The following RAVER1 variants were observed in gnomAD, a reference collection of about 807,000 sequenced individuals.
The protein encoded by RAVER1 is ribonucleoprotein, PTB binding 1, also known as ribonucleoprotein PTB-binding 1.
A neutral mutation model predicts 68.4 loss-of-function variants in RAVER1; 36 were observed. That is an observed-to-expected ratio of 0.53 (90% CI 0.40 to 0.70). The LOEUF (loss-of-function observed/expected upper bound fraction) is 0.70. Among genes scored for constraint, RAVER1 ranks in the 30% least tolerant of loss-of-function variants. The pLI, the probability that RAVER1 is intolerant of heterozygous loss-of-function variation, is 0.00. For synonymous variants in RAVER1, 469 were observed against 472.7 expected, an observed-to-expected ratio of 0.99 and a Z score of 0.10; for missense variants, 933 against 1,019.8, an observed-to-expected ratio of 0.91 and a Z score of 1.16.
intron 3 of RAVER1, among the ~76,000 whole-genome samples, chr19:10,324,852 G>A (rs538483364): frequency 6.6e-6 from 1 of 152,292 alleles, no homozygotes; most frequent in Admixed American, 6.5e-5. Context: ...CTCCTCGGAG[G>A]ACATCACTTC....
At position 10,328,902 on chromosome 19, in the gene RAVER1, T is replaced by C; in HGVS notation, c.496A>G (p.Ser166Gly). Residue 166 changes from serine to glycine, a missense_variant, in exon 3 of 13, where the codon AGT (serine) becomes GGT (glycine). Around this residue, in one of 3 missense-constraint regions of RAVER1, gnomAD observed 211 missense variants for 230.0 expected, o/e 0.92. Coordinates refer to ENST00000617231, the MANE Select transcript of RAVER1 (RefSeq NM_133452.3). The surrounding 1 kb of genome is among the most constrained non-coding windows in gnomAD (Gnocchi z 4.4). ...CCCTTGGATTGGCCAGTGCGCTCAC[T>C]GTAGACCAGGAAGCAGCGCTCCAGG... ...GSLERCFLVY[S>G]ERTGQSKGYG... is the part of the protein sequence containing the mutation. The C allele has an allele frequency of 1.2e-6, 2 of 1,613,052 alleles. No homozygotes were observed. Among genetic ancestry groups the C allele is most frequent in the South Asian group, 1.1e-5 (1 of 91,060 alleles).
chr19:10,333,283 CA>C lies in RAVER1; in HGVS notation c.219+5del, dbSNP rs2040537893. ...CGCCACGCTCCTACACCGCCCCCCC[CA>C]ATACCTGGTTGGTCACGTCCCCCGG... is the stretch of plus-strand genomic sequence containing the variant. On this transcript the variant is annotated splice_donor_5th_base_variant and intron_variant, in intron 1 of 12. Coordinates refer to ENST00000617231, the MANE Select transcript of RAVER1 (RefSeq NM_133452.3). This position sits in a 1 kb window ranked among gnomAD's most constrained non-coding sequence, Gnocchi z 4.2. The C allele has an allele frequency of 5.6e-6, 9 of 1,612,296 alleles. No individual in the cohort carries two copies. The highest frequency in any genetic ancestry group is 5.9e-6 in the Non-Finnish European group (7 of 1,178,830).
In RAVER1 at chr19:10,317,626, G is replaced by A. The variant is rs766218756; in HGVS notation, c.2074-26C>T. On this transcript the variant is annotated intron_variant, in intron 12 of 12. Coordinates refer to ENST00000617231, the MANE Select transcript of RAVER1 (RefSeq NM_133452.3). The surrounding 1 kb of genome is among the most constrained non-coding windows in gnomAD (Gnocchi z 4.3). ...CTGGAGACAGAGGGCAGGGCGGGGC[G>A]GGTCAGGGGCCGCTGGGGGGCCGGG... The A allele has an allele frequency of 5.1e-6, 8 of 1,574,320 alleles. No individual in the cohort carries two copies. The highest frequency in any genetic ancestry group is 3.6e-5 in the Admixed American group (2 of 54,870).
chr19:10,316,656 G>T lies in RAVER1; in HGVS notation c.*798C>A. ...GGTGGTGGGGCCGGTTCGCCAAGAT[G>T]AAGGCTTTCCCCTTCTACTGTCCCC... On this transcript the variant is annotated 3_prime_UTR_variant, in exon 13 of 13. Transcript: ENST00000617231. The T allele has an allele frequency of 1.3e-6, 1 of 783,478 alleles. No homozygotes were observed. Among genetic ancestry groups the T allele is most frequent in the Non-Finnish European group, 1.6e-6 (1 of 644,704 alleles). The allele number at this position is 783,478 out of a possible 1,614,324, so 48.5% of individuals were successfully genotyped here.
rs766809927 is a variant in RAVER1, at chr19:10,328,654, G to A, written c.744C>T (p.Pro248=). The part of the protein sequence containing the change: ...LCRALSAVHS[P]TFCQLACGQD... ...CCACAGGGCTCACCTGGCAGAAGGTGGGGCTGTGGACAGCTGACAGCGCCC... is the reference window on the plus strand; with the variant it reads ...CCACAGGGCTCACCTGGCAGAAGGTAGGGCTGTGGACAGCTGACAGCGCCC... Residue 248 remains proline (P), a synonymous_variant, in exon 3 of 13, where the codon CCC becomes CCT. Transcript: ENST00000617231. This position sits in a 1 kb window ranked among gnomAD's most constrained non-coding sequence, Gnocchi z 4.4. The A allele has an allele frequency of 3.8e-6, 6 of 1,559,916 alleles. No homozygotes were observed. Among genetic ancestry groups the A allele is most frequent in the Non-Finnish European group, 5.2e-6 (6 of 1,152,090 alleles).
rs544035041 is a variant in RAVER1, at chr19:10,323,786, G to A, written c.757-220C>T. Among the ~76,000 whole-genome samples, 2 of 152,268 alleles carry A rather than the reference G, an allele frequency of 1.3e-5. No individual in the cohort carries two copies. The highest frequency in any genetic ancestry group is 2.1e-4 in the South Asian group (1 of 4,820). On this transcript the variant is annotated intron_variant, in intron 3 of 12. Transcript: ENST00000617231. This position sits in a 1 kb window ranked among gnomAD's most constrained non-coding sequence, Gnocchi z 6.2. The stretch of plus-strand genomic sequence containing the variant: ...TTCTCAGAGAAGGCAACTGAGGCAC[G>A]GAGAGGTCAGCGCACCCAAGGCCAC...
chr19:10,323,170 G>A lies in RAVER1; in HGVS notation c.1053C>T (p.Leu351=), dbSNP rs1844179916. ...ASLQLLLNPL[L]HGSAGGKQGL... is the part of the protein sequence containing the mutation. ...CCTGCTTCCCCCCCGCACTGCCATG[G>A]AGCAGGGGGTTGAGCAGCAGCTGGA... Residue 351 remains leucine (L), a synonymous_variant, in exon 5 of 13, where the codon CTC becomes CTT. Coordinates refer to ENST00000617231, the MANE Select transcript of RAVER1 (RefSeq NM_133452.3). The surrounding 1 kb of genome is among the most constrained non-coding windows in gnomAD (Gnocchi z 6.2). 2.5e-6 allele frequency: 4 copies of A among 1,610,112 alleles called. No individual in the cohort carries two copies. The South Asian group carries it at 4.4e-5, about 18-fold the overall frequency.
At chr19:10,320,600 C>G (rs1171632595) in intron 9 of RAVER1, 55 bp downstream of exon 9, 8 of 1,459,674 alleles carry the variant, frequency 5.5e-6, no homozygotes, top group Non-Finnish European at 6.4e-6. Context: ...AGAGAAATAT[C>G]AGTTTGGAGA....
rs2040537853 is a variant in RAVER1, at chr19:10,333,284, A to G, written c.219+5T>C. The G allele has an allele frequency of 1.2e-6, 2 of 1,610,360 alleles. No individual in the cohort carries two copies. Among genetic ancestry groups the G allele is most frequent in the African/African-American group, 2.7e-5 (2 of 74,520 alleles). ...GCCACGCTCCTACACCGCCCCCCCCAATACCTGGTTGGTCACGTCCCCCGG... is the reference window on the plus strand; with the variant it reads ...GCCACGCTCCTACACCGCCCCCCCCGATACCTGGTTGGTCACGTCCCCCGG... On this transcript the variant is annotated splice_donor_5th_base_variant and intron_variant, in intron 1 of 12. Coordinates refer to ENST00000617231, the MANE Select transcript of RAVER1 (RefSeq NM_133452.3). This position sits in a 1 kb window ranked among gnomAD's most constrained non-coding sequence, Gnocchi z 4.2.
Position 10,323,611 on chromosome 19 carries a change from A to T in RAVER1, c.757-45T>A. ...AGTCATGAGCATCTGGGCAGCAGTG[A>T]CTGCACCACCCCGGGAAGTGACAAC... On this transcript the variant is annotated intron_variant, in intron 3 of 12. Coordinates refer to ENST00000617231, the MANE Select transcript of RAVER1 (RefSeq NM_133452.3). The surrounding 1 kb of genome is among the most constrained non-coding windows in gnomAD (Gnocchi z 6.2). 1 of 1,535,750 alleles carries T rather than the reference A, an allele frequency of 6.5e-7. No homozygotes were observed. The highest frequency in any genetic ancestry group is 8.7e-7 in the Non-Finnish European group (1 of 1,143,720).
At chr19:10,319,044 TAAAAA>T in intron 10 of RAVER1, 117 bp downstream of exon 10, 1 of 913,974 alleles carries the variant, frequency 1.1e-6, no homozygotes, top group South Asian at 1.6e-5. Flanking sequence ...GATCCTGTCT[TAAAAA>T]AACCCACAAA....
chr19:10,331,117 A>T (rs1052577311), intron 1 of RAVER1, among the ~76,000 whole-genome samples: 1 of 150,696 alleles, frequency 6.6e-6, no homozygotes, highest in Non-Finnish European at 1.5e-5. Flanking sequence ...TGGGAGGCCG[A>T]GGCGGGTGGA....
chr19:10,318,087 G>A, intron 11 of RAVER1, 142 bp downstream of exon 11: 1 of 675,084 alleles, frequency 1.5e-6, no homozygotes, highest in East Asian at 2.8e-5. Flanking sequence ...ATAGGCTGTT[G>A]CTACTCCACC....
At position 10,333,521 on chromosome 19, in the gene RAVER1, G is replaced by A. The variant is rs1348263394; in HGVS notation, c.-14C>T. On this transcript the variant is annotated 5_prime_UTR_variant, in exon 1 of 13. Transcript: ENST00000617231. This position sits in a 1 kb window ranked among gnomAD's most constrained non-coding sequence, Gnocchi z 4.2. ...GTCCGCCGCCATCTTGGGAAACCCGGCGCCTTCTGGGACCAGCGAGCCGGG... is the reference window on the plus strand; with the variant it reads ...GTCCGCCGCCATCTTGGGAAACCCGACGCCTTCTGGGACCAGCGAGCCGGG... 7 of 1,592,474 alleles carry A rather than the reference G, an allele frequency of 4.4e-6. No homozygotes were observed. The highest frequency in any genetic ancestry group is 1.7e-4 in the Middle Eastern group (1 of 5,912).
chr19:10,323,862 G>A lies in RAVER1; in HGVS notation c.757-296C>T, dbSNP rs2040456473. Among the ~76,000 whole-genome samples the A allele has an allele frequency of 6.6e-6, 1 of 152,140 alleles. No homozygotes were observed. Among genetic ancestry groups the A allele is most frequent in the South Asian group, 2.1e-4 (1 of 4,824 alleles). On this transcript the variant is annotated intron_variant, in intron 3 of 12. Coordinates refer to ENST00000617231, the MANE Select transcript of RAVER1 (RefSeq NM_133452.3). This position sits in a 1 kb window ranked among gnomAD's most constrained non-coding sequence, Gnocchi z 6.2. ...GAGCCACCTCACCAACAAAGCCAAG[G>A]CCACGGGCGGATGCGGTGGCTCACA...
intron 3 of RAVER1, among the ~76,000 whole-genome samples, chr19:10,325,026 ATT>A (rs34470520): frequency 5.5e-5 from 8 of 145,400 alleles, no homozygotes; most frequent in Admixed American, 6.8e-5. Context: ...TCTTCACATA[ATT>A]TTTTTTTTTT....
chr19:10,323,328 A>G lies in RAVER1; in HGVS notation c.948+47T>C, dbSNP rs775747855. 6 of 1,610,218 alleles carry G rather than the reference A, an allele frequency of 3.7e-6. No individual in the cohort carries two copies. In the South Asian group the frequency reaches 4.4e-5, roughly 12 times the overall value. ...GTGCCGCTGGGGCCCTGACATCCCC[A>G]TGGGGCTCCCATCCCCACCCCGCCA... On this transcript the variant is annotated intron_variant, in intron 4 of 12. Coordinates refer to ENST00000617231, the MANE Select transcript of RAVER1 (RefSeq NM_133452.3). This position sits in a 1 kb window ranked among gnomAD's most constrained non-coding sequence, Gnocchi z 6.2.
intron 1 of RAVER1, among the ~76,000 whole-genome samples, chr19:10,331,242 C>A (rs552497429): frequency 2.0e-5 from 3 of 150,398 alleles, no homozygotes; most frequent in African/African-American, 7.3e-5. Context: ...CCCAGCTACT[C>A]GGGAGGCTGA....
intron 3 of RAVER1, among the ~76,000 whole-genome samples, chr19:10,324,937 G>A (rs2040463857): frequency 6.6e-6 from 1 of 152,168 alleles, no homozygotes; most frequent in African/African-American, 2.4e-5. Flanking sequence ...TATAATCCCA[G>A]CTCTTTGGGA....
Sources: allele counts gnomAD v4.1 joint callset (sites outside exome capture counted in the v4.1 genomes callset), GRCh38; gene constraint gnomAD v4.1.1; regional missense constraint gnomAD v4.1.1; non-coding constraint Gnocchi (gnomAD v3.1); transcripts MANE v1.5; gene names NCBI Gene and HGNC (gene_info 2026-07-23, HGNC 2026-07-21).